Variants in CEP350 observed in about 807,000 individuals in gnomAD.
CEP350 encodes the protein centrosomal protein 350, also known as centrosome-associated protein 350.
A neutral mutation model predicts 331.8 loss-of-function variants in CEP350; 126 were observed. That is an observed-to-expected ratio of 0.38 (90% confidence interval 0.33 to 0.44). CEP350 has a LOEUF of 0.44. Among genes scored for constraint, CEP350 ranks in the 20% least tolerant of loss-of-function variants. The probability of loss-of-function intolerance (pLI) is 1.00; values close to 1 mark genes in which losing one functional copy is unlikely to be tolerated. For synonymous variants in CEP350, 1,200 were observed against 1,259.5 expected (o/e 0.95, Z 1.00); for missense variants, 3,406 against 3,634.6 (o/e 0.94, Z 1.62).
At chr1:180,073,997 T>C (rs968528518) in intron 27 of CEP350, 104 of 1,154,480 alleles carry the variant, frequency 9.0e-5, no homozygotes, top group East Asian at 4.2e-4. Context: ...CTCTCTCTCT[T>C]TTTTTTTAAT....
intron 1 of CEP350, among the ~76,000 whole-genome samples, chr1:179,973,829 AT>A (rs1651635937): frequency 1.3e-5 from 2 of 151,594 alleles, no homozygotes; most frequent in African/African-American, 4.8e-5. Context: ...TATTTTTTCA[AT>A]TTCTTTTTCT....
At chr1:180,028,483 C>T (rs968338631) in intron 14 of CEP350, among the ~76,000 whole-genome samples, 5 of 152,124 alleles carry the variant, frequency 3.3e-5, no homozygotes, top group African/African-American at 1.2e-4. Context: ...TGATATACTG[C>T]ACAATTTTGA....
chr1:180,104,306 A>G (rs945163256), intron 37 of CEP350, among the ~76,000 whole-genome samples: 3 of 151,938 alleles, frequency 2.0e-5, no homozygotes, highest in South Asian at 2.1e-4. Flanking sequence ...GCAGGAGAAG[A>G]CAGTGGTTAA....
chr1:179,972,663 C>A (rs946935735), intron 1 of CEP350, among the ~76,000 whole-genome samples: 1 of 151,806 alleles, frequency 6.6e-6, no homozygotes, highest in African/African-American at 2.4e-5. Flanking sequence ...CGCCACCACA[C>A]CCTGCCGAAA....
intron 1 of CEP350, among the ~76,000 whole-genome samples, chr1:179,982,898 C>T (rs1652383047): frequency 1.3e-5 from 2 of 152,190 alleles, no homozygotes; most frequent in Admixed American, 1.3e-4. Flanking sequence ...TCAAACGATT[C>T]TCCTGCCTCA....
intron 14 of CEP350, among the ~76,000 whole-genome samples, chr1:180,027,708 T>G (rs1262008723): frequency 1.3e-5 from 2 of 152,224 alleles, no homozygotes; most frequent in Non-Finnish European, 2.9e-5. Flanking sequence ...TATTATAATT[T>G]ATTTAACTCT....
At chr1:180,070,335 A>G (rs1177592450) in intron 27 of CEP350, among the ~76,000 whole-genome samples, 1 of 152,176 alleles carries the variant, frequency 6.6e-6, no homozygotes, top group Non-Finnish European at 1.5e-5. Context: ...TTATAGAATG[A>G]TTTTATAATC....
rs370862042 is a variant in CEP350 at position 180,039,217 on chromosome 1, G to A, written c.4111-1921G>A. 9.9e-3 allele frequency among the ~76,000 whole-genome samples: 1,338 copies of A among 135,694 alleles called. 15 individuals carry two copies. Among genetic ancestry groups the A allele is most frequent in the Non-Finnish European group, 0.014 (913 of 64,476 alleles). 89.0% of individuals were successfully genotyped at this position (135,694 alleles called of 152,430 possible). A position where few individuals can be genotyped will look rare whatever the true frequency, so the allele number is the denominator to read the frequency against. ...AGAGGTTGCAGTAAGCCAAGATTGT[G>A]CCATTGGACTCCAGAGTGAAACCCT... is the stretch of plus-strand genomic sequence containing the variant. On this transcript the variant is annotated intron_variant, in intron 17 of 37. Transcript: ENST00000367607.
intron 29 of CEP350, among the ~76,000 whole-genome samples, chr1:180,080,008 C>G (rs1437566444): frequency 6.6e-6 from 1 of 152,086 alleles, no homozygotes; most frequent in Non-Finnish European, 1.5e-5. Flanking sequence ...GAAATTTGCC[C>G]AAAGTCACAG....
chr1:180,053,723 A>G, intron 23 of CEP350, 27 bp from the exon 24 acceptor site: 1 of 1,425,262 alleles, frequency 7.0e-7, no homozygotes, highest in South Asian at 1.5e-5. Flanking sequence ...AGATGATGAT[A>G]AACAAGAAAG....
intron 37 of CEP350, among the ~76,000 whole-genome samples, chr1:180,107,597 G>C (rs1322396444): frequency 6.6e-6 from 1 of 152,222 alleles, no homozygotes; most frequent in Non-Finnish European, 1.5e-5. Flanking sequence ...GAACCCGGGA[G>C]GTGGAGGTTG....
chr1:180,090,366 G>GA (rs1365879959), intron 32 of CEP350, among the ~76,000 whole-genome samples: 8 of 151,126 alleles, frequency 5.3e-5, no homozygotes, highest in Non-Finnish European at 1.2e-4. Context: ...CTAACACAGT[G>GA]AAACCCCGCC....
At chr1:180,035,234 T>A (rs1186972801) in intron 16 of CEP350, among the ~76,000 whole-genome samples, 1 of 152,140 alleles carries the variant, frequency 6.6e-6, no homozygotes, top group Non-Finnish European at 1.5e-5. Context: ...TAGCAGAGGT[T>A]AAAGAAAGAA....
At chr1:179,959,108 T>C (rs539920967) in intron 1 of CEP350, among the ~76,000 whole-genome samples, 2 of 152,332 alleles carry the variant, frequency 1.3e-5, no homozygotes, top group African/African-American at 4.8e-5. Context: ...TTTTTAGAGA[T>C]CTACACATTT....
chr1:180,030,469 T>C (rs925447214), intron 14 of CEP350, among the ~76,000 whole-genome samples: 9 of 151,762 alleles, frequency 5.9e-5, no homozygotes, highest in African/African-American at 2.2e-4. Context: ...TTTCCCATGC[T>C]GCTGTTTAAA....
At chr1:179,990,796 A>G (rs1653000812) in intron 4 of CEP350, among the ~76,000 whole-genome samples, 175 bp downstream of exon 4, 1 of 152,212 alleles carries the variant, frequency 6.6e-6, no homozygotes, top group Non-Finnish European at 1.5e-5. Context: ...GCCTTAAGTA[A>G]TCCTCTCATC....
intron 1 of CEP350, among the ~76,000 whole-genome samples, chr1:179,963,528 A>C (rs748619962): frequency 6.6e-6 from 1 of 151,734 alleles, no homozygotes; most frequent in Non-Finnish European, 1.5e-5. Flanking sequence ...TCTTCTGCAC[A>C]TGCTAGCCAG....
chr1:179,976,610 C>T (rs1435300373), intron 1 of CEP350, among the ~76,000 whole-genome samples: 27 of 149,762 alleles, frequency 1.8e-4, no homozygotes, highest in African/African-American at 6.4e-4. Flanking sequence ...GCCGAGATCG[C>T]GCCACTGCAC....
chr1:180,032,248 G>A (rs929137207), intron 15 of CEP350, among the ~76,000 whole-genome samples: 1 of 152,056 alleles, frequency 6.6e-6, no homozygotes, highest in African/African-American at 2.4e-5. Context: ...AGAAGACACA[G>A]ATTTATTTTT....
Sources: allele counts gnomAD v4.1 joint callset (sites outside exome capture counted in the v4.1 genomes callset), GRCh38; gene constraint gnomAD v4.1.1; transcripts MANE v1.5; gene names NCBI Gene and HGNC (gene_info 2026-07-23, HGNC 2026-07-21).